Variants in LZTR1 observed in about 807,000 individuals in gnomAD.
LZTR1 encodes leucine zipper like post translational regulator 1, also known as leucine-zipper-like transcriptional regulator 1.
LZTR1 carries 260 observed loss-of-function variants against 105.7 expected under a neutral mutation model. That is an observed-to-expected ratio of 2.46 (90% confidence interval 2.22 to 2.72). The LOEUF is 2.72. Among genes scored for constraint, LZTR1 ranks in the 30% most tolerant of loss-of-function variants. The pLI, the probability that LZTR1 is intolerant of heterozygous loss-of-function variation, is 0.00. For synonymous variants in LZTR1, 490 were observed against 476.4 expected, an observed-to-expected ratio of 1.03 and a Z score of -0.37; for missense variants, 1,214 against 1,166.9, an observed-to-expected ratio of 1.04 and a Z score of -0.59.
intron 7 of LZTR1, 147 bp from the exon 8 acceptor site, chr22:20,990,237 CTA>C: frequency 1.1e-6 from 1 of 888,612 alleles, no homozygotes. Flanking sequence ...TGAGACAGGG[CTA>C]TGAGCTGTTC....
At chr22:20,988,263 CA>C in intron 5 of LZTR1, 145 bp downstream of exon 5, 1 of 624,336 alleles carries the variant, frequency 1.6e-6, no homozygotes, top group Non-Finnish European at 2.9e-6. Context: ...TCCCCCGGTG[CA>C]GCTATGCATG....
chr22:20,983,831 C>T (rs1924283369), intron 2 of LZTR1, among the ~76,000 whole-genome samples: 1 of 152,190 alleles, frequency 6.6e-6, no homozygotes, highest in Non-Finnish European at 1.5e-5. Context: ...CTGTCTTCCT[C>T]CCACTCTCTT....
In LZTR1 at chr22:20,982,393, G is replaced by T. The variant is rs575193991; in HGVS notation, c.22G>T (p.Gly8Trp). The T allele has an allele frequency of 7.1e-5, 110 of 1,559,652 alleles. 1 individual carries two copies. In the South Asian group the frequency reaches 1.0e-3, roughly 14 times the overall value. ...CGGGATGGCTGGACCGGGCAGCACG[G>T]GGGGGCAGATCGGGGCTGCGGCCCT... is the stretch of plus-strand genomic sequence containing the variant. MAGPGSTGGQIGAAALAG... is the reference protein window; with the variant it reads MAGPGSTWGQIGAAALAG... The change falls in exon 1 of 21, where the codon GGG becomes TGG. Residue 8 changes from glycine (G) to tryptophan (W), a missense_variant. Physicochemically the swap from Gly to Trp is radical, Grantham distance 184. Coordinates refer to ENST00000646124, the MANE Select transcript of LZTR1 (RefSeq NM_006767.4).
At chr22:20,995,080 C>A in intron 16 of LZTR1, 54 bp downstream of exon 16, 1 of 1,555,698 alleles carries the variant, frequency 6.4e-7, no homozygotes, top group Admixed American at 1.8e-5. Context: ...TGTTCATCTG[C>A]GGTAGGAGAT....
chr22:20,986,682 T>C (rs1924399879), intron 3 of LZTR1: 1 of 152,106 alleles, frequency 6.6e-6, no homozygotes, highest in African/African-American at 2.4e-5. Context: ...GATAGGTGGA[T>C]AGATGATGGA....
Position 20,997,269 on chromosome 22 carries a change from A to AGCT in LZTR1, c.2452_2454dup (p.Leu818dup). The AGCT allele has an allele frequency of 6.2e-7, 1 of 1,613,904 alleles. No individual in the cohort carries two copies. Among genetic ancestry groups the AGCT allele is most frequent in the Non-Finnish European group, 8.5e-7 (1 of 1,179,984 alleles). On this transcript the variant is annotated inframe_insertion, in exon 21 of 21. Transcript: ENST00000646124. ...CCCACCCTGCGGTCGCTGAGCCAGC[A>AGCT]GCTGCTGCTGGACATCATAGACTCC...
At chr22:20,994,338 G>A (rs1924731858) in intron 14 of LZTR1, 69 bp downstream of exon 14, 2 of 1,526,944 alleles carry the variant, frequency 1.3e-6, no homozygotes, top group Admixed American at 1.8e-5. Flanking sequence ...CAAAAGGTGG[G>A]TGCTGCCAGC....
At chr22:20,987,337 C>T (rs1351088125) in intron 3 of LZTR1, among the ~76,000 whole-genome samples, 167 bp from the exon 4 acceptor site, 11 of 147,872 alleles carry the variant, frequency 7.4e-5, no homozygotes, top group Non-Finnish European at 1.6e-4. Flanking sequence ...GAGGTTGAGC[C>T]GGGATCGTGC....
chr22:20,989,721 TGAGGGGCACGGGGAGCCAGGGCGC>T, intron 7 of LZTR1, 39 bp downstream of exon 7: 1 of 37,432 alleles, frequency 2.7e-5, no homozygotes. Flanking sequence ...GTAGAGGAGG[TGAGGGGCACGGGGAGCCAGGGCGC>T]AGGTGGAGGA....
intron 17 of LZTR1, 38 bp from the exon 18 acceptor site, chr22:20,995,925 C>T: frequency 1.9e-6 from 3 of 1,613,296 alleles, no homozygotes; most frequent in African/African-American, 2.7e-5. Context: ...TGTCTTCGTT[C>T]TGCTGACGGC....
In LZTR1 at chr22:20,997,433, T is replaced by A; in HGVS notation, c.*85T>A. Reference sequence around the variant, plus strand: ...GAAGACTACCGGCTATGCGCATGCCTATGGCAGTGGGTGCACCTGCCAGGC... The same window carrying A: ...GAAGACTACCGGCTATGCGCATGCCAATGGCAGTGGGTGCACCTGCCAGGC... On this transcript the variant is annotated 3_prime_UTR_variant, in exon 21 of 21. Transcript: ENST00000646124. The A allele has an allele frequency of 9.7e-7, 1 of 1,030,608 alleles. No individual in the cohort carries two copies. The highest frequency in any genetic ancestry group is 1.3e-5 in the South Asian group (1 of 77,016). 63.8% of individuals were successfully genotyped at this position (1,030,608 alleles called of 1,614,324 possible).
intron 3 of LZTR1, chr22:20,987,050 T>A (rs1345821228): frequency 7.2e-6 from 1 of 138,066 alleles, no homozygotes; most frequent in East Asian, 1.9e-4. Context: ...TATTGGTGAT[T>A]TTTTTTTTTT....
rs756485244 is a variant in LZTR1 at position 20,982,397 on chromosome 22, G to C, written c.26G>C (p.Gly9Ala). 167 of 1,560,822 alleles carry C rather than the reference G, an allele frequency of 1.1e-4. 1 individual carries two copies. Among genetic ancestry groups the C allele is most frequent in the South Asian group, 3.9e-4 (33 of 85,336 alleles). Reference sequence around the variant, plus strand: ...ATGGCTGGACCGGGCAGCACGGGGGGGCAGATCGGGGCTGCGGCCCTGGCA... The same window carrying C: ...ATGGCTGGACCGGGCAGCACGGGGGCGCAGATCGGGGCTGCGGCCCTGGCA... MAGPGSTG[G>A]QIGAAALAGG... Residue 9 changes from glycine to alanine, a missense_variant, in exon 1 of 21, where the codon GGG (glycine) becomes GCG (alanine). Physicochemically the swap from Gly to Ala is moderately conservative, Grantham distance 60 (BLOSUM62 0). Transcript: ENST00000646124.
At position 20,993,720 on chromosome 22, in the gene LZTR1, G is replaced by A. The variant is rs764415634; in HGVS notation, c.1319G>A (p.Arg440His). 1.4e-5 allele frequency: 22 copies of A among 1,613,346 alleles called. No homozygotes were observed. Among genetic ancestry groups the A allele is most frequent in the South Asian group, 9.9e-5 (9 of 91,082 alleles). Reference protein sequence around the residue: ...HEDYGRLWESRQFCDVEFVLG... With the variant: ...HEDYGRLWESHQFCDVEFVLG... Reference sequence around the variant, plus strand: ...GACTACGGGCGGCTGTGGGAGAGCCGCCAGTTCTGCGACGTGGAGTTCGTG... The same window carrying A: ...GACTACGGGCGGCTGTGGGAGAGCCACCAGTTCTGCGACGTGGAGTTCGTG... Residue 440 changes from arginine to histidine, a missense_variant, in exon 12 of 21, where the codon CGC becomes CAC. Coordinates refer to ENST00000646124, the MANE Select transcript of LZTR1 (RefSeq NM_006767.4).
In LZTR1 at chr22:20,982,504, T is replaced by A; in HGVS notation, c.133T>A (p.Phe45Ile). ...CAGTGTCGAGTACCTGACGCTCAAC[T>A]TCGGGCCCTTCGAAACAGTGCATCG... is the stretch of plus-strand genomic sequence containing the variant. ...SDSVEYLTLN[F>I]GPFETVHRWR... Residue 45 changes from phenylalanine (F) to isoleucine (I), a missense_variant, in exon 1 of 21, where the codon TTC becomes ATC. Coordinates refer to ENST00000646124, the MANE Select transcript of LZTR1 (RefSeq NM_006767.4). 1 of 1,613,024 alleles carries A rather than the reference T, an allele frequency of 6.2e-7. No homozygotes were observed. Among genetic ancestry groups the A allele is most frequent in the Non-Finnish European group, 8.5e-7 (1 of 1,179,702 alleles).
Position 20,997,580 on chromosome 22 carries a change from C to T in LZTR1, c.*232C>T. 1 of 490,150 alleles carries T rather than the reference C, an allele frequency of 2.0e-6. No homozygotes were observed. The highest frequency in any genetic ancestry group is 3.7e-6 in the Non-Finnish European group (1 of 267,570). The allele number at this position is 490,150 out of a possible 1,614,324, so 30.4% of individuals were successfully genotyped here. A position where few individuals can be genotyped will look rare whatever the true frequency, so the allele number is the denominator to read the frequency against. On this transcript the variant is annotated 3_prime_UTR_variant, in exon 21 of 21. Coordinates refer to ENST00000646124, the MANE Select transcript of LZTR1 (RefSeq NM_006767.4). ...GATGATGAAGCAGACCCCCTCCTGT[C>T]ATCACCCTCTCCTGGTGTAGTGTGG...
At chr22:20,993,511 C>T in intron 11 of LZTR1, 151 bp from the exon 12 acceptor site, 6 of 627,258 alleles carry the variant, frequency 9.6e-6, no homozygotes, top group South Asian at 3.6e-5. Context: ...GGTGGGGTAG[C>T]GGCTGCTTCC....
At position 20,992,255 on chromosome 22, in the gene LZTR1, G is replaced by C. The variant is rs1224035711; in HGVS notation, c.1035G>C (p.Glu345Asp). The C allele has an allele frequency of 1.2e-6, 2 of 1,613,906 alleles. No individual in the cohort carries two copies. Among genetic ancestry groups the C allele is most frequent in the South Asian group, 2.2e-5 (2 of 91,092 alleles). The change falls in exon 10 of 21, where the codon GAG becomes GAC. Residue 345 changes from glutamate to aspartate, a missense_variant. Coordinates refer to ENST00000646124, the MANE Select transcript of LZTR1 (RefSeq NM_006767.4). The part of the protein sequence containing the change: ...AEVPERACAS[E>D]EVPTLTYEER... ...TGCCCGAGCGAGCCTGTGCTTCCGA[G>C]GAGGTGCCCACCCTGACCTATGAGG... is the stretch of plus-strand genomic sequence containing the variant.
chr22:20,992,265 AC>A lies in LZTR1; in HGVS notation c.1048del (p.Leu350Ter), dbSNP rs754691019. The A allele has an allele frequency of 1.2e-6, 2 of 1,613,908 alleles. No homozygotes were observed. The highest frequency in any genetic ancestry group is 3.3e-5 in the Admixed American group (2 of 60,010). On this transcript the variant is annotated frameshift_variant, in exon 10 of 21. Transcript: ENST00000646124. LOFTEE classifies it high-confidence loss of function. ...AGCCTGTGCTTCCGAGGAGGTGCCCACCCTGACCTATGAGGAGCGGGTTGGC... is the reference window on the plus strand; with the variant it reads ...AGCCTGTGCTTCCGAGGAGGTGCCCACCTGACCTATGAGGAGCGGGTTGGC... ...ERACASEEVP[T>X]LTYEERVGFK...
Sources: allele counts gnomAD v4.1 joint callset (sites outside exome capture counted in the v4.1 genomes callset), GRCh38; gene constraint gnomAD v4.1.1; transcripts MANE v1.5; gene names NCBI Gene and HGNC (gene_info 2026-07-23, HGNC 2026-07-21).